Variants in KIF14 observed in about 807,000 individuals in gnomAD.
The protein encoded by KIF14 is kinesin family member 14, also known as kinesin-like protein KIF14.
Under a neutral mutation model 176.2 loss-of-function variants are expected in KIF14, and 98 were observed. The observed-to-expected ratio is 0.56, with a 90% CI of 0.47 to 0.66. KIF14 has a LOEUF of 0.66. KIF14 is among the 30% of genes least tolerant of loss of function. The pLI, the probability that KIF14 is intolerant of heterozygous loss-of-function variation, is 0.00. For synonymous variants in KIF14, 566 were observed against 632.2 expected, an observed-to-expected ratio of 0.90 and a Z score of 1.57; for missense variants, 1,751 against 1,920.4, an observed-to-expected ratio of 0.91 and a Z score of 1.65.
At chr1:200,607,691 A>T (rs1046191899) in intron 5 of KIF14, among the ~76,000 whole-genome samples, 8 of 152,100 alleles carry the variant, frequency 5.3e-5, no homozygotes, top group Admixed American at 4.6e-4. Context: ...TGGGCAAGTG[A>T]AGAAGACAGC....
rs185568804 is a variant in KIF14, at chr1:200,610,911, C to A, written c.1456-1983G>T. Among the ~76,000 whole-genome samples, 57 of 152,246 alleles carry A rather than the reference C, an allele frequency of 3.7e-4. 2 individuals are homozygous for A. On this transcript the variant is annotated intron_variant, in intron 4 of 29. Coordinates refer to ENST00000367350, the MANE Select transcript of KIF14 (RefSeq NM_014875.3). ...GGGGTAGGGCATTCTCGGGCAAGGA[C>A]AGCAGCATCTGTGCATCACATGTGC...
intron 18 of KIF14, 34 bp from the exon 19 acceptor site, chr1:200,586,261 G>A (rs756458534): frequency 2.7e-6 from 4 of 1,485,922 alleles, no homozygotes; most frequent in Non-Finnish European, 3.6e-6. Flanking sequence ...ACCCACATGT[G>A]AGAATATGCA....
rs1658371527 is a variant in KIF14, at chr1:200,580,290, A to G, written c.3429T>C (p.Phe1143=). The change falls in exon 21 of 30, where the codon TTT becomes TTC. Residue 1143 remains phenylalanine (F), a synonymous_variant. Transcript: ENST00000367350. ...GISTFWSLEK[F]ESKLAAMKEL... The stretch of plus-strand genomic sequence containing the variant: ...CTTTCATTGCTGCAAGTTTAGATTC[A>G]AACTTTTCCAGACTCCAGAATGTTG... 1.3e-6 allele frequency: 2 copies of G among 1,500,562 alleles called. No homozygotes were observed. Among genetic ancestry groups the G allele is most frequent in the Non-Finnish European group, 9.0e-7 (1 of 1,116,842 alleles). The allele number at this position is 1,500,562 out of a possible 1,614,324, so 93.0% of individuals were successfully genotyped here.
At chr1:200,564,211 G>A (rs1419908445) in intron 25 of KIF14, among the ~76,000 whole-genome samples, 2 of 138,730 alleles carry the variant, frequency 1.4e-5, no homozygotes, top group African/African-American at 2.7e-5. Flanking sequence ...AGTGAGCCAA[G>A]ATCACGCCAC....
At chr1:200,598,136 A>T in intron 14 of KIF14, 101 bp downstream of exon 14, 1 of 1,001,812 alleles carries the variant, frequency 1.0e-6, no homozygotes, top group Non-Finnish European at 1.5e-6. Context: ...GAAGAATTCT[A>T]CCAAACGATC....
chr1:200,572,661 A>G lies in KIF14; in HGVS notation c.3567-2656T>C, dbSNP rs1038411136. Among the ~76,000 whole-genome samples, 5 of 152,210 alleles carry G rather than the reference A, an allele frequency of 3.3e-5. No individual in the cohort carries two copies. The South Asian group carries it at 1.0e-3, about 32-fold the overall frequency. On this transcript the variant is annotated intron_variant, in intron 22 of 29. Transcript: ENST00000367350. ...CCCAGCCCCGGTAGGCTAAACGTTT[A>G]ATGCTCATTATTAATGGTCATATTG...
At chr1:200,583,843 G>C (rs1465021453) in intron 19 of KIF14, among the ~76,000 whole-genome samples, 1 of 151,884 alleles carries the variant, frequency 6.6e-6, no homozygotes, top group African/African-American at 2.4e-5. Context: ...TCAGGAAGCT[G>C]AAGCAGGAGA....
intron 22 of KIF14, among the ~76,000 whole-genome samples, chr1:200,571,165 T>A (rs946267732): frequency 2.0e-5 from 3 of 152,030 alleles, no homozygotes; most frequent in African/African-American, 7.2e-5. Flanking sequence ...TGCCCCAATT[T>A]CTAGCCGGGC....
At chr1:200,561,229 TAA>T (rs10643609) in intron 25 of KIF14, among the ~76,000 whole-genome samples, 4 of 128,068 alleles carry the variant, frequency 3.1e-5, no homozygotes, top group Non-Finnish European at 4.8e-5. Flanking sequence ...GACTCCATCT[TAA>T]AAAAAAAAAA....
At chr1:200,619,217 T>C (rs1350131139) in intron 1 of KIF14, among the ~76,000 whole-genome samples, 1 of 151,958 alleles carries the variant, frequency 6.6e-6, no homozygotes, top group Non-Finnish European at 1.5e-5. Context: ...GTACTTCCAG[T>C]GTGGGGAATG....
At chr1:200,612,296 C>G (rs1247637409) in intron 4 of KIF14, among the ~76,000 whole-genome samples, 1 of 152,330 alleles carries the variant, frequency 6.6e-6, no homozygotes, top group East Asian at 1.9e-4. Flanking sequence ...AGCCACCATG[C>G]CTGGCCAACC....
At chr1:200,571,460 C>A (rs1657787054) in intron 22 of KIF14, among the ~76,000 whole-genome samples, 1 of 152,092 alleles carries the variant, frequency 6.6e-6, no homozygotes, top group Non-Finnish European at 1.5e-5. Context: ...CTCCATATTG[C>A]CGTTCATCTA....
At chr1:200,591,969 C>T (rs529155037) in intron 16 of KIF14, 111 bp downstream of exon 16, 1 of 842,560 alleles carries the variant, frequency 1.2e-6, no homozygotes, top group East Asian at 2.6e-5. Flanking sequence ...AAAATTATAT[C>T]ACTAGAAACC....
rs1247049020 is a variant in KIF14 at position 200,552,785 on chromosome 1, G to A, written c.*603C>T. 2.0e-5 allele frequency: 3 copies of A among 152,056 alleles called. No individual in the cohort carries two copies. Among genetic ancestry groups the A allele is most frequent in the Non-Finnish European group, 4.4e-5 (3 of 68,030 alleles). 9.4% of individuals were successfully genotyped at this position (152,056 alleles called of 1,614,324 possible). ...TAAACATCCCAGCTGTCTGAGGAGA[G>A]AGAAGGCATAGGCACAAAGGTAACT... On this transcript the variant is annotated 3_prime_UTR_variant, in exon 30 of 30. Coordinates refer to ENST00000367350, the MANE Select transcript of KIF14 (RefSeq NM_014875.3).
Position 200,559,333 on chromosome 1 carries a change from AT to A in KIF14, c.4349del (p.Asn1450MetfsTer7), listed in dbSNP as rs1471303941. ...AATATTCTTTTATTCATCTTACCTCATTTTTTGTACACTGCCTAAAGAGTTC... is the reference window on the plus strand; with the variant it reads ...AATATTCTTTTATTCATCTTACCTCATTTTTGTACACTGCCTAAAGAGTTC... The part of the protein sequence containing the change: ...QHELFRQCTK[N>X]EVTKEMKTNA... On this transcript the variant is annotated frameshift_variant, in exon 27 of 30. Transcript: ENST00000367350. LOFTEE classifies it high-confidence loss of function. 2 of 1,552,252 alleles carry A rather than the reference AT, an allele frequency of 1.3e-6. No homozygotes were observed. The highest frequency in any genetic ancestry group is 2.0e-5 in the Admixed American group (1 of 50,050).
chr1:200,598,993 T>C (rs575188857), intron 13 of KIF14, among the ~76,000 whole-genome samples: 22 of 152,328 alleles, frequency 1.4e-4, no homozygotes, highest in Non-Finnish European at 2.8e-4. Flanking sequence ...TCTTATTGAC[T>C]GACCGTCTTT....
chr1:200,592,274 G>A (rs748781897), intron 15 of KIF14, 34 bp from the exon 16 acceptor site: 25 of 1,567,722 alleles, frequency 1.6e-5, no homozygotes, highest in African/African-American at 9.6e-5. Context: ...TACTTGAGGT[G>A]AGTCTCAACC....
At chr1:200,615,649 T>C in intron 2 of KIF14, 40 bp from the exon 3 acceptor site, 1 of 1,534,484 alleles carries the variant, frequency 6.5e-7, no homozygotes, top group Non-Finnish European at 8.9e-7. Flanking sequence ...GTAACTAAAA[T>C]GATCAAGGGT....
chr1:200,586,790 C>CATATATATAT (rs10610890), intron 18 of KIF14, among the ~76,000 whole-genome samples: 3 of 128,324 alleles, frequency 2.3e-5, no homozygotes, highest in Admixed American at 7.7e-5. Context: ...TATATACATA[C>CATATATATAT]ATATATATAT....
Sources: gnomAD v4.1 joint callset for allele counts (sites outside exome capture counted in the v4.1 genomes callset) on GRCh38, gnomAD v4.1.1 for gene constraint, MANE v1.5 for transcripts, NCBI Gene and HGNC (gene_info 2026-07-23, HGNC 2026-07-21) for gene names.